Variants in PHAF1 observed in about 807,000 individuals in gnomAD.
PHAF1 encodes phagosome assembly factor 1.
In PHAF1, 23 loss-of-function variants were observed where a neutral mutation model predicts 63.1. The observed-to-expected ratio is 0.36, with a 90% CI of 0.26 to 0.52. PHAF1 has a LOEUF of 0.52. Ranked by LOEUF, PHAF1 falls within the 20% of genes least tolerant of loss-of-function variation. The pLI is 0.93. For missense variants in PHAF1, 427 were observed against 517.2 expected (o/e 0.83, Z 1.69); for synonymous variants, 167 against 185.0 (o/e 0.90, Z 0.79).
At position 67,132,929 on chromosome 16, in the gene PHAF1, C is replaced by G; in HGVS notation, c.450+18C>G. The G allele has an allele frequency of 1.3e-6, 2 of 1,566,384 alleles. No individual in the cohort carries two copies. The highest frequency in any genetic ancestry group is 1.8e-6 in the Non-Finnish European group (2 of 1,138,164). On this transcript the variant is annotated intron_variant, in intron 6 of 15. Coordinates refer to ENST00000219139, the MANE Select transcript of PHAF1 (RefSeq NM_025187.5). ...AGTATGAGGTTAGCCCTTCCTGTCC[C>G]CTGGTGTTTGTTGTATGTGTCTGTG...
intron 10 of PHAF1, among the ~76,000 whole-genome samples, chr16:67,142,519 G>A (rs981527533): frequency 3.9e-5 from 6 of 152,226 alleles, no homozygotes; most frequent in Admixed American, 6.5e-5. Context: ...ATGCCGAGGC[G>A]GCAGGGGGCT....
intron 1 of PHAF1, among the ~76,000 whole-genome samples, chr16:67,119,313 G>C (rs571151251): frequency 6.6e-6 from 1 of 152,236 alleles, no homozygotes; most frequent in African/African-American, 2.4e-5. Context: ...GTCTGTGTCA[G>C]ATCAGTGTGG....
intron 8 of PHAF1, 189 bp from the exon 9 acceptor site, chr16:67,139,795 G>T: frequency 1.6e-6 from 1 of 609,972 alleles, no homozygotes. Context: ...TAAGTCCCTG[G>T]CATTATTTTG....
intron 8 of PHAF1, among the ~76,000 whole-genome samples, chr16:67,136,643 C>T (rs1963622241): frequency 7.2e-6 from 1 of 138,872 alleles, no homozygotes; most frequent in Non-Finnish European, 1.5e-5. Flanking sequence ...AATGCAGTGG[C>T]ATCATCATAG....
chr16:67,134,271 T>A lies in PHAF1; in HGVS notation c.548+6T>A. The A allele has an allele frequency of 7.4e-6, 12 of 1,611,520 alleles. No individual in the cohort carries two copies. The highest frequency in any genetic ancestry group is 1.0e-5 in the Non-Finnish European group (12 of 1,177,642). On this transcript the variant is annotated splice_donor_region_variant and intron_variant, in intron 7 of 15. Coordinates refer to ENST00000219139, the MANE Select transcript of PHAF1 (RefSeq NM_025187.5). Reference sequence around the variant, plus strand: ...AACAGCCTGCAGGATACCAAGTAAGTATAAGGAGCATGAGTTTCTTGCTAA... The same window carrying A: ...AACAGCCTGCAGGATACCAAGTAAGAATAAGGAGCATGAGTTTCTTGCTAA...
intron 9 of PHAF1, 59 bp downstream of exon 9, chr16:67,140,176 AGTATAAACTGTTTG>A: frequency 6.4e-7 from 1 of 1,555,042 alleles, no homozygotes. Context: ...TTTAATATTG[AGTATAAACTGTTTG>A]CTATTTTCCC....
chr16:67,138,744 C>T (rs1963696607), intron 8 of PHAF1, among the ~76,000 whole-genome samples: 1 of 152,122 alleles, frequency 6.6e-6, no homozygotes. Context: ...GTCTTTTATT[C>T]CTCCACTTAG....
intron 2 of PHAF1, among the ~76,000 whole-genome samples, chr16:67,122,074 A>G (rs1963002687): frequency 6.6e-6 from 1 of 151,166 alleles, no homozygotes; most frequent in Non-Finnish European, 1.5e-5. Context: ...ATTTATTTTT[A>G]TATTTTGTAG....
chr16:67,124,730 C>T (rs977822808), intron 2 of PHAF1, among the ~76,000 whole-genome samples: 1 of 151,998 alleles, frequency 6.6e-6, no homozygotes, highest in Non-Finnish European at 1.5e-5. Context: ...GGTGAAACCC[C>T]ATCTGTACTA....
intron 2 of PHAF1, 56 bp downstream of exon 2, chr16:67,120,250 C>T: frequency 5.3e-6 from 8 of 1,510,332 alleles, no homozygotes; most frequent in Non-Finnish European, 7.3e-6. Context: ...TGAGTCACTT[C>T]CAGAGCTGAT....
At position 67,133,960 on chromosome 16, in the gene PHAF1, A is replaced by AAAAG. The variant is rs1396752124; in HGVS notation, c.451-204_451-201dup. The stretch of plus-strand genomic sequence containing the variant: ...ACTCCGTCTCAAAAAAAAAGAAAAA[A>AAAAG]AAAGAAAAGGAAAACCAAGCAGAAT... On this transcript the variant is annotated intron_variant, in intron 6 of 15. Transcript: ENST00000219139. Among the ~76,000 whole-genome samples, 89 of 151,900 alleles carry AAAAG rather than the reference A, an allele frequency of 5.9e-4. 1 individual carries two copies. The highest frequency in any genetic ancestry group is 2.0e-3 in the African/African-American group (84 of 41,426).
Position 67,134,413 on chromosome 16 carries a change from G to A in PHAF1, c.607G>A (p.Val203Ile). The A allele has an allele frequency of 6.2e-7, 1 of 1,613,562 alleles. No individual in the cohort carries two copies. The highest frequency in any genetic ancestry group is 8.5e-7 in the Non-Finnish European group (1 of 1,179,806). Residue 203 changes from valine to isoleucine, a missense_variant, in exon 8 of 16, where the codon GTT becomes ATT. Physicochemically the swap from Val to Ile is conservative, Grantham distance 29. Coordinates refer to ENST00000219139, the MANE Select transcript of PHAF1 (RefSeq NM_025187.5). ...LGNVYAESVD[V>I]LRDGTGPAGL... The stretch of plus-strand genomic sequence containing the variant: ...CAATGTCTATGCTGAGAGTGTAGAT[G>A]TTCTTCGAGATGGAACTGGACCTGC...
chr16:67,123,744 A>G (rs1963077978), intron 2 of PHAF1, among the ~76,000 whole-genome samples: 1 of 152,130 alleles, frequency 6.6e-6, no homozygotes, highest in African/African-American at 2.4e-5. Flanking sequence ...TCTTCTGCCT[A>G]CTTTATTCCC....
At chr16:67,130,012 T>C (rs1050153542) in intron 3 of PHAF1, among the ~76,000 whole-genome samples, 2 of 152,258 alleles carry the variant, frequency 1.3e-5, no homozygotes, top group African/African-American at 4.8e-5. Context: ...CTTTTTGTTT[T>C]GTAAACAAAA....
intron 3 of PHAF1, among the ~76,000 whole-genome samples, chr16:67,127,162 CCAGTT>C: frequency 1.3e-5 from 2 of 152,274 alleles, no homozygotes; most frequent in East Asian, 3.9e-4. Context: ...GCCACCGCAC[CCAGTT>C]CAGTCTGTTT....
At chr16:67,136,513 C>T (rs1460480251) in intron 8 of PHAF1, among the ~76,000 whole-genome samples, 5 of 134,032 alleles carry the variant, frequency 3.7e-5, no homozygotes, top group Middle Eastern at 4.2e-3. Flanking sequence ...AGCATTTATT[C>T]GTAAATTGGG....
intron 3 of PHAF1, among the ~76,000 whole-genome samples, chr16:67,126,636 C>A (rs1963206160): frequency 6.7e-6 from 1 of 150,214 alleles, no homozygotes; most frequent in Non-Finnish European, 1.5e-5. Flanking sequence ...GCTCTGTCAC[C>A]CAGGCTGGAG....
At chr16:67,140,834 G>C (rs1225428719) in intron 10 of PHAF1, among the ~76,000 whole-genome samples, 1 of 152,214 alleles carries the variant, frequency 6.6e-6, no homozygotes, top group Admixed American at 6.5e-5. Context: ...TTTTCTGAGG[G>C]AAACATGTTC....
At chr16:67,140,948 A>G (rs1186414183) in intron 10 of PHAF1, among the ~76,000 whole-genome samples, 1 of 152,206 alleles carries the variant, frequency 6.6e-6, no homozygotes, top group Non-Finnish European at 1.5e-5. Flanking sequence ...GAGACTGAAA[A>G]GGATTGGAGA....
Sources: allele counts gnomAD v4.1 joint callset (sites outside exome capture counted in the v4.1 genomes callset), GRCh38; gene constraint gnomAD v4.1.1; transcripts MANE v1.5; gene names NCBI Gene and HGNC (gene_info 2026-07-23, HGNC 2026-07-21).